FILIP1L: variants seen among roughly 807,000 people sequenced by gnomAD.
FILIP1L encodes the protein filamin A-interacting protein 1-like.
In FILIP1L, 55 loss-of-function variants were observed where a neutral mutation model predicts 96.6. The ratio of observed to expected loss-of-function variants is 0.57; its 90% confidence interval spans 0.46 to 0.71. The LOEUF is 0.71. Among genes scored for constraint, FILIP1L ranks in the 30% least tolerant of loss-of-function variants. FILIP1L has a pLI of 0.00. For missense variants in FILIP1L, 1,304 were observed against 1,321.2 expected, an observed-to-expected ratio of 0.99 and a Z score of 0.20; for synonymous variants, 467 against 473.9, an observed-to-expected ratio of 0.99 and a Z score of 0.19.
intron 5 of FILIP1L, among the ~76,000 whole-genome samples, chr3:99,837,539 T>G (rs764544058): frequency 4.6e-5 from 7 of 152,092 alleles, no homozygotes; most frequent in Non-Finnish European, 1.0e-4. Context: ...TGATGCAGAT[T>G]ATTGTATTGT....
At position 99,848,372 on chromosome 3, in the gene FILIP1L, T is replaced by C; in HGVS notation, c.3304A>G (p.Lys1102Glu). The change falls in exon 5 of 6, where the codon AAA (lysine) becomes GAA (glutamate). Residue 1102 changes from lysine (K) to glutamate (E), a missense_variant. Coordinates refer to ENST00000477258, the MANE Select transcript of FILIP1L (RefSeq NM_001387850.1). ...CTGCTGGTGACTTTATTGGTTGTTT[T>C]GTTTAGTGCCCCGTTAATTAAGCCT... ...TQGLINGALN[K>E]TTNKVTSSIT... 6.2e-7 allele frequency: 1 copy of C among 1,614,220 alleles called. No individual in the cohort carries two copies. The highest frequency in any genetic ancestry group is 1.6e-4 in the Middle Eastern group (1 of 6,062).
At chr3:100,021,553 A>G (rs1435468223) in intron 1 of FILIP1L, among the ~76,000 whole-genome samples, 1 of 152,202 alleles carries the variant, frequency 6.6e-6, no homozygotes, top group Non-Finnish European at 1.5e-5. Context: ...GAAAGGAGCT[A>G]TCGTGAGCTC....
intron 1 of FILIP1L, among the ~76,000 whole-genome samples, chr3:100,049,025 A>G (rs1303450332): frequency 6.6e-6 from 1 of 152,222 alleles, no homozygotes; most frequent in Non-Finnish European, 1.5e-5. Flanking sequence ...AGTATAGCAA[A>G]CAAAAGGGCA....
At chr3:99,876,139 G>T in intron 4 of FILIP1L, 1 of 986,176 alleles carries the variant, frequency 1.0e-6, no homozygotes, top group South Asian at 4.7e-5. Context: ...GCTGCGAGCC[G>T]ACTGTGCGCG....
At position 99,930,022 on chromosome 3, in the gene FILIP1L, T is replaced by C. The variant is rs751268962; in HGVS notation, c.260A>G (p.Asp87Gly). The change falls in exon 3 of 6, where the codon GAT becomes GGT. Residue 87 changes from aspartate (D) to glycine (G), a missense_variant. Physicochemically the swap from Asp to Gly is moderately conservative, Grantham distance 94 (BLOSUM62 -1). Coordinates refer to ENST00000477258, the MANE Select transcript of FILIP1L (RefSeq NM_001387850.1). ...SILEGELQAR[D>G]EVIGILKAEK... The stretch of plus-strand genomic sequence containing the variant: ...AGCCTTTAAAATGCCTATGACCTCA[T>C]CTCGAGCCTGTAGGAACAAAAAGTA... 1 of 1,605,476 alleles carries C rather than the reference T, an allele frequency of 6.2e-7. No homozygotes were observed. The highest frequency in any genetic ancestry group is 8.5e-7 in the Non-Finnish European group (1 of 1,176,784).
chr3:100,102,948 G>A (rs1184789061), intron 1 of FILIP1L, among the ~76,000 whole-genome samples: 1 of 152,218 alleles, frequency 6.6e-6, no homozygotes, highest in Non-Finnish European at 1.5e-5. Flanking sequence ...ATTGGCAAGA[G>A]CAGTTGAAAG....
At chr3:99,962,518 C>T (rs1428655979) in intron 1 of FILIP1L, among the ~76,000 whole-genome samples, 2 of 152,114 alleles carry the variant, frequency 1.3e-5, no homozygotes, top group African/African-American at 4.8e-5. Context: ...ACCATTTCTC[C>T]AGCAACAATA....
intron 1 of FILIP1L, among the ~76,000 whole-genome samples, chr3:100,043,221 G>A (rs1218543111): frequency 1.3e-5 from 2 of 152,164 alleles, no homozygotes; most frequent in Non-Finnish European, 2.9e-5. Context: ...ACTGTGTTGT[G>A]CCTTATCTGC....
intron 1 of FILIP1L, among the ~76,000 whole-genome samples, chr3:100,055,892 G>A (rs1176130770): frequency 6.6e-6 from 1 of 152,166 alleles, no homozygotes; most frequent in Non-Finnish European, 1.5e-5. Context: ...CCTTCAAGGA[G>A]TCCAAAGATT....
At position 99,844,196 on chromosome 3, in the gene FILIP1L, G is replaced by A. The variant is rs559113873; in HGVS notation, c.3381+4099C>T. On this transcript the variant is annotated intron_variant, in intron 5 of 5. Transcript: ENST00000477258. ...GAAAAAGATCAAAATTTGAAGTACC[G>A]TTTTAGGGCACAATTAACCAGCAGA... is the stretch of plus-strand genomic sequence containing the variant. Among the ~76,000 whole-genome samples the A allele has an allele frequency of 2.1e-4, 32 of 152,260 alleles. No homozygotes were observed. In the South Asian group the frequency reaches 2.3e-3, roughly 11 times the overall value.
At chr3:99,831,391 T>C (rs1027137507) in intron 5 of FILIP1L, among the ~76,000 whole-genome samples, 1 of 152,258 alleles carries the variant, frequency 6.6e-6, no homozygotes, top group Non-Finnish European at 1.5e-5. Context: ...CAGGTACTTT[T>C]GATTTTTCTT....
chr3:99,957,768 A>G (rs1708376365), intron 1 of FILIP1L, among the ~76,000 whole-genome samples: 1 of 135,486 alleles, frequency 7.4e-6, no homozygotes, highest in Admixed American at 8.2e-5. Context: ...CACAGGTTCC[A>G]TTCAGTGATA....
chr3:99,840,354 G>T (rs1488569538), intron 5 of FILIP1L, among the ~76,000 whole-genome samples: 1 of 149,682 alleles, frequency 6.7e-6, no homozygotes, highest in South Asian at 2.1e-4. Flanking sequence ...CTCCCAAGTA[G>T]CTGGGATTAC....
At chr3:99,936,685 T>C (rs950904147) in intron 1 of FILIP1L, among the ~76,000 whole-genome samples, 3 of 150,530 alleles carry the variant, frequency 2.0e-5, no homozygotes, top group African/African-American at 7.4e-5. Flanking sequence ...CTTGAAGCCT[T>C]TTTAAATCAC....
intron 1 of FILIP1L, among the ~76,000 whole-genome samples, chr3:99,954,299 TG>T (rs1708258089): frequency 6.6e-6 from 1 of 152,232 alleles, no homozygotes; most frequent in Non-Finnish European, 1.5e-5. Flanking sequence ...TACCCCATCC[TG>T]CTGCCAAGAG....
At chr3:100,000,255 G>T (rs1709804566) in intron 1 of FILIP1L, among the ~76,000 whole-genome samples, 1 of 152,074 alleles carries the variant, frequency 6.6e-6, no homozygotes, top group South Asian at 2.1e-4. Flanking sequence ...CTTGCTTTTT[G>T]TAGGAAAAAA....
At chr3:99,896,944 G>C (rs1223144048) in intron 4 of FILIP1L, among the ~76,000 whole-genome samples, 1 of 152,170 alleles carries the variant, frequency 6.6e-6, no homozygotes, top group Non-Finnish European at 1.5e-5. Flanking sequence ...AATAGAAAAT[G>C]TATTTTCAGT....
chr3:100,112,195 A>G (rs879434198), intron 1 of FILIP1L, among the ~76,000 whole-genome samples: 3 of 152,242 alleles, frequency 2.0e-5, no homozygotes, highest in Non-Finnish European at 2.9e-5. Flanking sequence ...AGCTACTAGC[A>G]CTTTTTCTTT....
At position 100,110,819 on chromosome 3, in the gene FILIP1L, C is replaced by T. The variant is rs6805834; in HGVS notation, c.-11+3234G>A. Among the ~76,000 whole-genome samples, 692 of 152,174 alleles carry T rather than the reference C, an allele frequency of 4.5e-3. 7 individuals are homozygous for T. Among genetic ancestry groups the T allele is most frequent in the African/African-American group, 0.016 (677 of 41,532 alleles). On this transcript the variant is annotated intron_variant, in intron 1 of 5. Transcript: ENST00000477258. ...TCACAACAGCCTACTTATGCTTGCA[C>T]CAGAAGCAGGATCTGGACTGGGTAG...
Sources: allele counts gnomAD v4.1 joint callset (sites outside exome capture counted in the v4.1 genomes callset), GRCh38; gene constraint gnomAD v4.1.1; transcripts MANE v1.5; gene names NCBI Gene and HGNC (gene_info 2026-07-23, HGNC 2026-07-21).